Variants in LILRA2 observed in about 807,000 individuals in gnomAD.
LILRA2 encodes the protein leukocyte immunoglobulin-like receptor subfamily A member 2.
Under a neutral mutation model 47.9 loss-of-function variants are expected in LILRA2, and 45 were observed. The ratio of observed to expected loss-of-function variants is 0.94; its 90% CI spans 0.74 to 1.20. The LOEUF (loss-of-function observed/expected upper bound fraction) is 1.20, where lower values mean the gene tolerates loss of function less well. Ranked by LOEUF, LILRA2 falls within the 50% of genes most tolerant of loss-of-function variation. The probability of loss-of-function intolerance (pLI) is 0.00; values close to 1 mark genes in which losing one functional copy is unlikely to be tolerated. For synonymous variants in LILRA2, 279 were observed against 249.2 expected (o/e 1.12, Z -1.13); for missense variants, 651 against 598.2 (o/e 1.09, Z -0.92).
In LILRA2 at chr19:54,575,395, G is replaced by T; in HGVS notation, c.795G>T (p.Gln265His). ...AGGAGGGAGAACGTGACTTCCTCCA[G>T]CGCCCTGGTTGGCAGCCCCAGGCTG... ...LYKEGERDFL[Q>H]RPGWQPQAGL... The change falls in exon 5 of 8, where the codon CAG becomes CAT. Residue 265 changes from glutamine (Q) to histidine (H), a missense_variant. Physicochemically the swap from Gln to His is conservative, Grantham distance 24 (BLOSUM62 0). Coordinates refer to ENST00000391738, the MANE Select transcript of LILRA2 (RefSeq NM_001130917.3). The T allele has an allele frequency of 6.2e-7, 1 of 1,614,126 alleles. No homozygotes were observed. The highest frequency in any genetic ancestry group is 1.3e-5 in the African/African-American group (1 of 75,022).
At chr19:54,585,513 C>T (rs1477462105) in intron 6 of LILRA2, among the ~76,000 whole-genome samples, 1 of 152,224 alleles carries the variant, frequency 6.6e-6, no homozygotes, top group African/African-American at 2.4e-5. Flanking sequence ...ATGCCCTTCC[C>T]TCCATCCAGC....
chr19:54,578,822 G>T (rs1038560522), intron 6 of LILRA2, among the ~76,000 whole-genome samples: 28 of 152,140 alleles, frequency 1.8e-4, no homozygotes, highest in African/African-American at 6.0e-4. Flanking sequence ...ATTCTAACTG[G>T]CATGAGATGG....
At chr19:54,578,196 G>A (rs920112314) in intron 6 of LILRA2, among the ~76,000 whole-genome samples, 2 of 151,824 alleles carry the variant, frequency 1.3e-5, no homozygotes, top group Non-Finnish European at 2.9e-5. Context: ...TTGTTACGTA[G>A]GTATACAGGT....
At position 54,583,925 on chromosome 19, in the gene LILRA2, A is replaced by G. The variant is rs112098939; in HGVS notation, c.1256-3085A>G. Reference sequence around the variant, plus strand: ...TGGCTGGCACTGATTGTTCCTTTCCATGTTTAGTGCTTCCTTCAGGAGCTC... The same window carrying G: ...TGGCTGGCACTGATTGTTCCTTTCCGTGTTTAGTGCTTCCTTCAGGAGCTC... On this transcript the variant is annotated intron_variant, in intron 6 of 7. Coordinates refer to ENST00000391738, the MANE Select transcript of LILRA2 (RefSeq NM_001130917.3). Among the ~76,000 whole-genome samples the G allele has an allele frequency of 4.2e-3, 642 of 152,012 alleles. 11 individuals are homozygous for G. The highest frequency in any genetic ancestry group is 0.014 in the African/African-American group (575 of 41,438).
chr19:54,581,986 G>C (rs112478103), intron 6 of LILRA2, among the ~76,000 whole-genome samples: 16 of 152,092 alleles, frequency 1.1e-4, no homozygotes, highest in African/African-American at 3.4e-4. Flanking sequence ...TAGCATGAAG[G>C]GCTGTTGAAT....
chr19:54,574,214 T>G (rs2062271184), intron 2 of LILRA2, 87 bp from the exon 3 acceptor site: 1 of 1,613,958 alleles, frequency 6.2e-7, no homozygotes, highest in Admixed American at 1.7e-5. Flanking sequence ...GGCTGACTGA[T>G]GGGGGTGTCT....
chr19:54,575,342 G>C lies in LILRA2; in HGVS notation c.742G>C (p.Val248Leu). 1 of 1,611,956 alleles carries C rather than the reference G, an allele frequency of 6.2e-7. No individual in the cohort carries two copies. Among genetic ancestry groups the C allele is most frequent in the African/African-American group, 1.3e-5 (1 of 74,792 alleles). The part of the protein sequence containing the change: ...ESLTLQCVSD[V>L]GYDRFVLYKE... ...CCTGACCCTCCAGTGTGTCTCTGAT[G>C]TCGGCTACGACAGATTTGTTCTGTA... The change falls in exon 5 of 8, where the codon GTC becomes CTC. Residue 248 changes from valine to leucine, a missense_variant. By Grantham distance (32) the Val-to-Leu change is conservative. Coordinates refer to ENST00000391738, the MANE Select transcript of LILRA2 (RefSeq NM_001130917.3).
chr19:54,576,710 T>A (rs113836523), intron 6 of LILRA2, among the ~76,000 whole-genome samples: 1 of 152,114 alleles, frequency 6.6e-6, no homozygotes, highest in Admixed American at 6.5e-5. Context: ...TCCCCCTCCC[T>A]GAGCAGGATT....
intron 6 of LILRA2, among the ~76,000 whole-genome samples, chr19:54,579,336 G>GT (rs1568517704): frequency 6.6e-6 from 1 of 152,150 alleles, no homozygotes. Context: ...TGGCTAGCCA[G>GT]TTTTTCTAGC....
In LILRA2 at chr19:54,590,201, T is replaced by A. The variant is rs932742046; in HGVS notation, c.*2855T>A. 3 of 152,200 alleles carry A rather than the reference T, an allele frequency of 2.0e-5. No homozygotes were observed. The highest frequency in any genetic ancestry group is 7.2e-5 in the African/African-American group (3 of 41,444). The allele number at this position is 152,200 out of a possible 1,614,324, so 9.4% of individuals were successfully genotyped here. On this transcript the variant is annotated 3_prime_UTR_variant, in exon 8 of 8. Transcript: ENST00000391738. ...TGTTTCCTCTTCTCACTCTATTCTT[T>A]GTGTGCATTAATTATCTTTTCTATT...
Position 54,575,423 on chromosome 19 carries a change from C to A in LILRA2, c.823C>A (p.Leu275Ile). ...QRPGWQPQAG[L>I]SQANFTLGPV... Reference sequence around the variant, plus strand: ...CCCTGGTTGGCAGCCCCAGGCTGGGCTCTCCCAGGCCAACTTCACCCTGGG... The same window carrying A: ...CCCTGGTTGGCAGCCCCAGGCTGGGATCTCCCAGGCCAACTTCACCCTGGG... Residue 275 changes from leucine to isoleucine, a missense_variant, in exon 5 of 8, where the codon CTC (leucine) becomes ATC (isoleucine). By Grantham distance (5) the Leu-to-Ile change is conservative. Coordinates refer to ENST00000391738, the MANE Select transcript of LILRA2 (RefSeq NM_001130917.3). 6.2e-7 allele frequency: 1 copy of A among 1,613,978 alleles called. No homozygotes were observed. Among genetic ancestry groups the A allele is most frequent in the Non-Finnish European group, 8.5e-7 (1 of 1,179,970 alleles).
Position 54,574,591 on chromosome 19 carries a change from A to T in LILRA2, c.352+9A>T. Reference sequence around the variant, plus strand: ...GGAGCTGGTGGTGACAGGTGAGAGGACACTCAGGAGTCCCAGCCCCAGGCT... The same window carrying T: ...GGAGCTGGTGGTGACAGGTGAGAGGTCACTCAGGAGTCCCAGCCCCAGGCT... On this transcript the variant is annotated intron_variant, in intron 3 of 7. Transcript: ENST00000391738. 1 of 1,613,562 alleles carries T rather than the reference A, an allele frequency of 6.2e-7. No homozygotes were observed. Among genetic ancestry groups the T allele is most frequent in the East Asian group, 2.2e-5 (1 of 44,866 alleles).
intron 6 of LILRA2, among the ~76,000 whole-genome samples, chr19:54,586,676 G>C (rs2062819136): frequency 6.6e-6 from 1 of 152,210 alleles, no homozygotes; most frequent in Admixed American, 6.5e-5. Context: ...AGGGCTCAGA[G>C]AGGACACAGA....
Position 54,585,188 on chromosome 19 carries a change from G to A in LILRA2, c.1256-1822G>A, listed in dbSNP as rs186507105. ...AGAGGGGCACCCACCTGTTTGAGGTGTCTGTTGGCCCCTACTGGGAGGTGT... is the reference window on the plus strand; with the variant it reads ...AGAGGGGCACCCACCTGTTTGAGGTATCTGTTGGCCCCTACTGGGAGGTGT... On this transcript the variant is annotated intron_variant, in intron 6 of 7. Transcript: ENST00000391738. 4.3e-3 allele frequency among the ~76,000 whole-genome samples: 648 copies of A among 152,284 alleles called. 3 individuals carry two copies. The highest frequency in any genetic ancestry group is 7.5e-3 in the Non-Finnish European group (510 of 68,010).
At position 54,575,980 on chromosome 19, in the gene LILRA2, A is replaced by C; in HGVS notation, c.1126A>C (p.Asn376His). 1 of 1,609,158 alleles carries C rather than the reference A, an allele frequency of 6.2e-7. No individual in the cohort carries two copies. The highest frequency in any genetic ancestry group is 1.1e-5 in the South Asian group (1 of 90,950). Residue 376 changes from asparagine to histidine, a missense_variant, in exon 6 of 8, where the codon AAC (asparagine) becomes CAC (histidine). Asn to His is a moderately conservative substitution (Grantham distance 68). Coordinates refer to ENST00000391738, the MANE Select transcript of LILRA2 (RefSeq NM_001130917.3). ...GAGATCAGAGCACCAAGCTCAGCAGAACCAGGCTGAATTCCGCATGGGTCC... is the reference window on the plus strand; with the variant it reads ...GAGATCAGAGCACCAAGCTCAGCAGCACCAGGCTGAATTCCGCATGGGTCC... ...HLRSEHQAQQ[N>H]QAEFRMGPVT... is the part of the protein sequence containing the mutation.
intron 6 of LILRA2, among the ~76,000 whole-genome samples, chr19:54,576,339 G>C (rs947278729): frequency 3.5e-5 from 2 of 56,772 alleles, no homozygotes; most frequent in African/African-American, 1.4e-4. Context: ...GCGGGGGGGC[G>C]GGTGGTGAAC....
At position 54,587,150 on chromosome 19, in the gene LILRA2, A is replaced by G. The variant is rs147025408; in HGVS notation, c.1307-51A>G. 4.6e-3 allele frequency: 7,337 copies of G among 1,609,102 alleles called. No homozygotes were observed. The South Asian group carries it at 0.059, about 13-fold the overall frequency. On this transcript the variant is annotated intron_variant, in intron 7 of 7. Coordinates refer to ENST00000391738, the MANE Select transcript of LILRA2 (RefSeq NM_001130917.3). ...TGGGTGCCCTGGGTGGACATACAGG[A>G]GTCCCGGGGTGATTCCGATCTGCCC...
In LILRA2 at chr19:54,590,249, C is replaced by T. The variant is rs775638569; in HGVS notation, c.*2903C>T. 5.9e-5 allele frequency: 9 copies of T among 152,006 alleles called. No individual in the cohort carries two copies. The highest frequency in any genetic ancestry group is 8.8e-5 in the Non-Finnish European group (6 of 68,014). The allele number at this position is 152,006 out of a possible 1,614,324, so 9.4% of individuals were successfully genotyped here. A position where few individuals can be genotyped will look rare whatever the true frequency, so the allele number is the denominator to read the frequency against. On this transcript the variant is annotated 3_prime_UTR_variant, in exon 8 of 8. Coordinates refer to ENST00000391738, the MANE Select transcript of LILRA2 (RefSeq NM_001130917.3). The stretch of plus-strand genomic sequence containing the variant: ...ATTTTTTTCATTTCTAGTTTTTCTC[C>T]GATGACTAATGAAAAATTTAATAAA...
rs73939009 is a variant in LILRA2, at chr19:54,587,495, T to C, written c.*149T>C. The C allele has an allele frequency of 6.4e-3, 8,119 of 1,276,598 alleles. 25 individuals are homozygous for C. The South Asian group carries it at 0.068, about 11-fold the overall frequency. The allele number at this position is 1,276,598 out of a possible 1,614,324, so 79.1% of individuals were successfully genotyped here. ...AGAGACAGCAATCAATATTTGAGTG[T>C]AAGGAAACTGTCTGGGGTGATTCCT... is the stretch of plus-strand genomic sequence containing the variant. On this transcript the variant is annotated 3_prime_UTR_variant, in exon 8 of 8. Coordinates refer to ENST00000391738, the MANE Select transcript of LILRA2 (RefSeq NM_001130917.3).
Sources: gnomAD v4.1 joint callset for allele counts (sites outside exome capture counted in the v4.1 genomes callset) on GRCh38, gnomAD v4.1.1 for gene constraint, MANE v1.5 for transcripts, NCBI Gene and HGNC (gene_info 2026-07-23, HGNC 2026-07-21) for gene names.